The following APCDD1L variants were observed in gnomAD, a reference collection of about 807,000 sequenced individuals.
APCDD1L encodes APC down-regulated 1 like.
APCDD1L carries 21 observed loss-of-function variants against 24.2 expected under a neutral mutation model. That is an observed-to-expected ratio of 0.87 (90% confidence interval 0.61 to 1.25). The LOEUF is 1.25. Among genes scored for constraint, APCDD1L ranks in the 50% most tolerant of loss-of-function variants. The probability of loss-of-function intolerance (pLI) is 0.00; values close to 1 mark genes in which losing one functional copy is unlikely to be tolerated. For synonymous variants in APCDD1L, 321 were observed against 323.6 expected (o/e 0.99, Z 0.09); for missense variants, 704 against 711.7 (o/e 0.99, Z 0.12).
At chr20:58,496,710 G>A (rs928979786) in intron 1 of APCDD1L, among the ~76,000 whole-genome samples, 7 of 152,248 alleles carry the variant, frequency 4.6e-5, no homozygotes, top group African/African-American at 1.4e-4. Flanking sequence ...GCTCAGGTGA[G>A]CTGGGTGGTT....
chr20:58,483,991 G>T (rs1332174200), intron 1 of APCDD1L, among the ~76,000 whole-genome samples: 5 of 152,188 alleles, frequency 3.3e-5, no homozygotes, highest in African/African-American at 9.7e-5. Context: ...GGAGCAAGTT[G>T]TTTGATAAGT....
chr20:58,462,863 G>C (rs1989636349), intron 3 of APCDD1L, among the ~76,000 whole-genome samples: 1 of 142,916 alleles, frequency 7.0e-6, no homozygotes, highest in South Asian at 2.1e-4. Context: ...AAAAAAATTG[G>C]CCAGGTGCAG....
chr20:58,490,370 G>A (rs1321581853), intron 1 of APCDD1L, among the ~76,000 whole-genome samples: 1 of 152,212 alleles, frequency 6.6e-6, no homozygotes, highest in East Asian at 1.9e-4. Flanking sequence ...GATTGGTGCT[G>A]AGGACACATT....
At chr20:58,489,026 G>A (rs1990174325) in intron 1 of APCDD1L, among the ~76,000 whole-genome samples, 1 of 152,108 alleles carries the variant, frequency 6.6e-6, no homozygotes, top group African/African-American at 2.4e-5. Context: ...AAGAGGAGAG[G>A]AGAGATTAAT....
In APCDD1L at chr20:58,467,701, C is replaced by G. The variant is rs772309899; in HGVS notation, c.189-43G>C. 2 of 1,411,598 alleles carry G rather than the reference C, an allele frequency of 1.4e-6. No individual in the cohort carries two copies. The highest frequency in any genetic ancestry group is 1.8e-6 in the Non-Finnish European group (2 of 1,081,862). 87.4% of individuals were successfully genotyped at this position (1,411,598 alleles called of 1,614,324 possible). On this transcript the variant is annotated intron_variant, in intron 2 of 3. Transcript: ENST00000371149. The surrounding 1 kb of genome is among the most constrained non-coding windows in gnomAD (Gnocchi z 5.9). ...GATGGGCTGGGTGCAGAGGGAACAC[C>G]GCGCCGCGAGCCCCTCTCCCCTCTG...
At chr20:58,496,814 G>A (rs767929813) in intron 1 of APCDD1L, among the ~76,000 whole-genome samples, 46 of 152,116 alleles carry the variant, frequency 3.0e-4, no homozygotes, top group Admixed American at 2.4e-3. Flanking sequence ...GAGGAAGGCC[G>A]GGAGACCCCG....
At chr20:58,468,079 T>G (rs1374188371) in intron 2 of APCDD1L, among the ~76,000 whole-genome samples, 1 of 152,080 alleles carries the variant, frequency 6.6e-6, no homozygotes, top group Non-Finnish European at 1.5e-5. Context: ...CTCCCCCTTC[T>G]CTAGGCTCAC....
intron 1 of APCDD1L, among the ~76,000 whole-genome samples, chr20:58,480,118 C>T (rs1469493060): frequency 2.0e-5 from 3 of 152,202 alleles, no homozygotes; most frequent in Admixed American, 2.0e-4. Flanking sequence ...CCTCATCCAC[C>T]TAATCCGAGA....
At chr20:58,495,002 G>A (rs1371051909) in intron 1 of APCDD1L, among the ~76,000 whole-genome samples, 1 of 152,148 alleles carries the variant, frequency 6.6e-6, no homozygotes, top group Non-Finnish European at 1.5e-5. Context: ...GGTGTCCCCT[G>A]GAGCCTGCTG....
intron 1 of APCDD1L, among the ~76,000 whole-genome samples, chr20:58,477,029 C>T (rs937162759): frequency 3.9e-5 from 6 of 152,212 alleles, no homozygotes; most frequent in South Asian, 2.1e-4. Context: ...TTTCTTACTT[C>T]GGTTTACTTT....
At chr20:58,462,749 TAGG>T (rs1270527335) in intron 3 of APCDD1L, among the ~76,000 whole-genome samples, 1 of 149,862 alleles carries the variant, frequency 6.7e-6, no homozygotes, top group African/African-American at 2.5e-5. Flanking sequence ...GAGGCTGAGG[TAGG>T]AGAATTGCTT....
chr20:58,504,690 C>T (rs905204545), intron 1 of APCDD1L, among the ~76,000 whole-genome samples: 1 of 152,188 alleles, frequency 6.6e-6, no homozygotes, highest in Non-Finnish European at 1.5e-5. Flanking sequence ...ATCCACAAGA[C>T]TGAGGGCACC....
At chr20:58,470,485 G>T in intron 2 of APCDD1L, 124 bp downstream of exon 2, 1 of 1,321,028 alleles carries the variant, frequency 7.6e-7, no homozygotes, top group Non-Finnish European at 1.0e-6. Context: ...CCAGCAGCTT[G>T]GCAGGTAGAA....
Position 58,478,361 on chromosome 20 carries a change from C to CTCCT in APCDD1L, c.50-7618_50-7615dup, listed in dbSNP as rs140717243. On this transcript the variant is annotated intron_variant, in intron 1 of 3. Coordinates refer to ENST00000371149, the MANE Select transcript of APCDD1L (RefSeq NM_153360.3). ...TTTAGGCTTCTTAACTTTTTCTTTT[C>CTCCT]TCCTTCCTTCCTTCCTTCCTTCCCT... Among the ~76,000 whole-genome samples, 130 of 148,972 alleles carry CTCCT rather than the reference C, an allele frequency of 8.7e-4. 2 individuals carry two copies. Among genetic ancestry groups the CTCCT allele is most frequent in the African/African-American group, 2.4e-3 (95 of 40,286 alleles).
chr20:58,514,753 G>C lies in APCDD1L; in HGVS notation c.-46C>G. 7.9e-7 allele frequency: 1 copy of C among 1,268,830 alleles called. No individual in the cohort carries two copies. Among genetic ancestry groups the C allele is most frequent in the Non-Finnish European group, 1.0e-6 (1 of 999,176 alleles). The allele number at this position is 1,268,830 out of a possible 1,614,324, so 78.6% of individuals were successfully genotyped here. A position where few individuals can be genotyped will look rare whatever the true frequency, so the allele number is the denominator to read the frequency against. ...CGCCCGCCGGGCGCTGCCACGGTGCGCAAGGGGAGGCGCGGGCGCAGGGCT... is the reference window on the plus strand; with the variant it reads ...CGCCCGCCGGGCGCTGCCACGGTGCCCAAGGGGAGGCGCGGGCGCAGGGCT... On this transcript the variant is annotated 5_prime_UTR_variant, in exon 1 of 4. Transcript: ENST00000371149.
chr20:58,514,937 G>T lies in APCDD1L; in HGVS notation c.-230C>A. The T allele has an allele frequency of 2.7e-6, 1 of 372,176 alleles. No individual in the cohort carries two copies. The highest frequency in any genetic ancestry group is 4.8e-6 in the Non-Finnish European group (1 of 210,420). 23.1% of individuals were successfully genotyped at this position (372,176 alleles called of 1,614,324 possible). ...ATAGGTCCAACTTGCCAGAAGAGGT[G>T]GAGACAGCCCCCGGCGAGGCGCGCA... On this transcript the variant is annotated 5_prime_UTR_variant, in exon 1 of 4. Transcript: ENST00000371149.
intron 1 of APCDD1L, among the ~76,000 whole-genome samples, chr20:58,512,050 A>C (rs1487559456): frequency 6.6e-6 from 1 of 152,214 alleles, no homozygotes; most frequent in Non-Finnish European, 1.5e-5. Context: ...GGCACCAGAC[A>C]CATCTGGCCT....
chr20:58,494,583 C>G lies in APCDD1L; in HGVS notation c.49+20076G>C, dbSNP rs1282471325. 6.6e-6 allele frequency among the ~76,000 whole-genome samples: 1 copy of G among 152,132 alleles called. No individual in the cohort carries two copies. The highest frequency in any genetic ancestry group is 2.4e-5 in the African/African-American group (1 of 41,412). ...TCAAACTCCTGGGCTCAGTGATCCT[C>G]TTGCCTCGGCCTCCCAAAGCGTTGG... On this transcript the variant is annotated intron_variant, in intron 1 of 3. Coordinates refer to ENST00000371149, the MANE Select transcript of APCDD1L (RefSeq NM_153360.3). The surrounding 1 kb of genome is among the most constrained non-coding windows in gnomAD (Gnocchi z 4.8).
intron 1 of APCDD1L, among the ~76,000 whole-genome samples, chr20:58,471,993 G>T (rs1989819464): frequency 6.6e-6 from 1 of 152,196 alleles, no homozygotes. Flanking sequence ...AGCAGATGGC[G>T]TGTTCTGTCC....
Sources: gnomAD v4.1 joint callset for allele counts (sites outside exome capture counted in the v4.1 genomes callset) on GRCh38, gnomAD v4.1.1 for gene constraint, Gnocchi (gnomAD v3.1) non-coding constraint, MANE v1.5 for transcripts, NCBI Gene and HGNC (gene_info 2026-07-23, HGNC 2026-07-21) for gene names.